NOL4: variants seen among roughly 807,000 people sequenced by gnomAD.
The protein encoded by NOL4 is cancer/testis antigen 125.
In NOL4, 17 loss-of-function variants were observed where a neutral mutation model predicts 75.9. That is an observed-to-expected ratio of 0.22 (90% confidence interval 0.15 to 0.34). The LOEUF (loss-of-function observed/expected upper bound fraction) is 0.34, where lower values mean the gene tolerates loss of function less well. Ranked by LOEUF, NOL4 falls within the 10% of genes least tolerant of loss-of-function variation. The pLI is 1.00. For synonymous variants in NOL4, 292 were observed against 289.9 expected, an observed-to-expected ratio of 1.01 and a Z score of -0.07; for missense variants, 614 against 793.5, an observed-to-expected ratio of 0.77 and a Z score of 2.72.
At chr18:34,002,434 A>C (rs1030714846) in intron 6 of NOL4, among the ~76,000 whole-genome samples, 1 of 152,046 alleles carries the variant, frequency 6.6e-6, no homozygotes, top group African/African-American at 2.4e-5. Flanking sequence ...TTTCCTAATG[A>C]GATATTATAC....
chr18:34,146,670 GC>G (rs2081411250), intron 1 of NOL4, among the ~76,000 whole-genome samples: 1 of 152,006 alleles, frequency 6.6e-6, no homozygotes, highest in East Asian at 1.9e-4. Context: ...GATGCCTCCA[GC>G]TTTGTTCTTT....
chr18:33,880,014 A>G (rs1374163286), intron 10 of NOL4, among the ~76,000 whole-genome samples: 1 of 152,124 alleles, frequency 6.6e-6, no homozygotes, highest in African/African-American at 2.4e-5. Context: ...TGTTAAAAAA[A>G]TTCTGTTAAG....
At chr18:33,951,466 T>A (rs935980313) in intron 8 of NOL4, among the ~76,000 whole-genome samples, 3 of 152,060 alleles carry the variant, frequency 2.0e-5, no homozygotes, top group African/African-American at 7.2e-5. Flanking sequence ...TTAAAAAAAA[T>A]GTATACTGTT....
chr18:34,074,120 C>T (rs996421018), intron 5 of NOL4, among the ~76,000 whole-genome samples: 2 of 151,490 alleles, frequency 1.3e-5, no homozygotes, highest in Non-Finnish European at 3.0e-5. Flanking sequence ...GGAGAATAGT[C>T]AAAGAATTGT....
intron 9 of NOL4, among the ~76,000 whole-genome samples, chr18:33,919,198 A>G (rs924736351): frequency 2.0e-5 from 3 of 152,154 alleles, no homozygotes; most frequent in Non-Finnish European, 4.4e-5. Context: ...CCATTGCTAT[A>G]GCACAGCTCC....
At chr18:33,867,042 C>A (rs1352526592) in intron 10 of NOL4, among the ~76,000 whole-genome samples, 4 of 152,066 alleles carry the variant, frequency 2.6e-5, no homozygotes, top group African/African-American at 9.7e-5. Flanking sequence ...ACTCCCCTAC[C>A]ATTCATAATT....
chr18:34,128,297 G>T lies in NOL4; in HGVS notation c.414+1574C>A, dbSNP rs73418478. On this transcript the variant is annotated intron_variant, in intron 2 of 10. Coordinates refer to ENST00000261592, the MANE Select transcript of NOL4 (RefSeq NM_003787.5). ...CAACGAAACCACTTGATTTTTGCTT[G>T]TTATTTTGGTTTTTGTTTTTATTCA... Among the ~76,000 whole-genome samples, 242 of 151,908 alleles carry T rather than the reference G, an allele frequency of 1.6e-3. 1 individual carries two copies. The highest frequency in any genetic ancestry group is 5.5e-3 in the African/African-American group (228 of 41,500).
At chr18:33,865,079 C>A (rs1208777645) in intron 10 of NOL4, among the ~76,000 whole-genome samples, 2 of 152,110 alleles carry the variant, frequency 1.3e-5, no homozygotes, top group African/African-American at 2.4e-5. Context: ...CAAATCATAT[C>A]AATAGTACCT....
chr18:33,993,704 C>T (rs866474374), intron 6 of NOL4, among the ~76,000 whole-genome samples: 10 of 150,878 alleles, frequency 6.6e-5, no homozygotes, highest in South Asian at 4.2e-4. Flanking sequence ...CAAAAAGAAG[C>T]GATGATTAAA....
intron 1 of NOL4, among the ~76,000 whole-genome samples, chr18:34,195,302 G>T (rs1384252303): frequency 6.6e-6 from 1 of 152,088 alleles, no homozygotes; most frequent in Non-Finnish European, 1.5e-5. Context: ...AGGCATCACT[G>T]CAACATTTTT....
chr18:34,097,219 C>T (rs143138180), intron 4 of NOL4, among the ~76,000 whole-genome samples: 36 of 152,260 alleles, frequency 2.4e-4, no homozygotes, highest in African/African-American at 6.5e-4. Flanking sequence ...CAAATATTTA[C>T]GGTTTCCCAT....
At position 33,982,970 on chromosome 18, in the gene NOL4, G is replaced by A. The variant is rs376476502; in HGVS notation, c.1057-24552C>T. Among the ~76,000 whole-genome samples the A allele has an allele frequency of 1.3e-4, 20 of 151,912 alleles. No individual in the cohort carries two copies. The South Asian group carries it at 1.9e-3, about 14-fold the overall frequency. ...TCACCATGTTGGTCAGGTTGGTCTC[G>A]AACTCCTGACCTCAGGTGATCCACC... On this transcript the variant is annotated intron_variant, in intron 6 of 10. Coordinates refer to ENST00000261592, the MANE Select transcript of NOL4 (RefSeq NM_003787.5).
At chr18:33,882,589 C>T (rs1411424014) in intron 10 of NOL4, among the ~76,000 whole-genome samples, 2 of 148,480 alleles carry the variant, frequency 1.3e-5, no homozygotes, top group Admixed American at 6.7e-5. Flanking sequence ...GAAATAGGAA[C>T]ACTTTTACAC....
chr18:34,134,446 TGACACACA>T (rs2080801744), intron 1 of NOL4, among the ~76,000 whole-genome samples: 1 of 98,812 alleles, frequency 1.0e-5, no homozygotes, highest in Non-Finnish European at 2.0e-5. Flanking sequence ...AGACTCCAAG[TGACACACA>T]CACACACACA....
chr18:34,223,138 A>T lies in NOL4; in HGVS notation c.116T>A (p.Leu39His), dbSNP rs773999231. The T allele has an allele frequency of 1.2e-6, 2 of 1,614,162 alleles. No homozygotes were observed. Among genetic ancestry groups the T allele is most frequent in the Non-Finnish European group, 1.7e-6 (2 of 1,180,038 alleles). ...TRKKYERIVQ[L>H]LNGSESSSTD... is the part of the protein sequence containing the mutation. ...GGAGCTCGACTCGGAGCCATTGAGG[A>T]GCTGGACGATCCGTTCGTATTTTTT... is the stretch of plus-strand genomic sequence containing the variant. The change falls in exon 1 of 11, where the codon CTC becomes CAC. Residue 39 changes from leucine to histidine, a missense_variant. By Grantham distance (99) the Leu-to-His change is moderately conservative. Around this residue, in one of 9 missense-constraint regions of NOL4, gnomAD observed 35 missense variants for 29.2 expected, o/e 1.20. Transcript: ENST00000261592.
chr18:33,907,470 C>T (rs1437722328), intron 9 of NOL4, among the ~76,000 whole-genome samples: 1 of 151,960 alleles, frequency 6.6e-6, no homozygotes, highest in African/African-American at 2.4e-5. Flanking sequence ...AGCATTTTCT[C>T]CCAAAGCAAT....
At chr18:33,882,956 A>C (rs1444541805) in intron 10 of NOL4, among the ~76,000 whole-genome samples, 2 of 152,092 alleles carry the variant, frequency 1.3e-5, no homozygotes, top group African/African-American at 4.8e-5. Flanking sequence ...TATCGCAAGA[A>C]CAAAAAACCA....
intron 5 of NOL4, chr18:34,048,681 C>T: frequency 1.2e-6 from 1 of 850,700 alleles, no homozygotes; most frequent in Non-Finnish European, 1.4e-6. Flanking sequence ...GATGAGCCTT[C>T]AAAGACTCAG....
At chr18:33,886,094 C>T (rs1021121515) in intron 9 of NOL4, among the ~76,000 whole-genome samples, 2 of 152,024 alleles carry the variant, frequency 1.3e-5, no homozygotes, top group Non-Finnish European at 2.9e-5. Context: ...CATATTCTCA[C>T]TTATTTGTGG....
Sources: allele counts gnomAD v4.1 joint callset (sites outside exome capture counted in the v4.1 genomes callset), GRCh38; gene constraint gnomAD v4.1.1; regional missense constraint gnomAD v4.1.1; transcripts MANE v1.5; gene names NCBI Gene and HGNC (gene_info 2026-07-23, HGNC 2026-07-21).